The following ZNF627 variants were observed in gnomAD, a reference collection of about 807,000 sequenced individuals.
ZNF627 encodes zinc finger protein 627.
ZNF627 carries 12 observed loss-of-function variants against 10.6 expected under a neutral mutation model. The observed-to-expected ratio is 1.13, with a 90% CI of 0.73 to 1.84. The LOEUF is 1.84. ZNF627 is among the 40% of genes most tolerant of loss of function. ZNF627 has a pLI of 0.00. For missense variants in ZNF627, 504 were observed against 568.4 expected (o/e 0.89, Z 1.15); for synonymous variants, 176 against 187.1 (o/e 0.94, Z 0.48).
rs745560483 is a variant in ZNF627, at chr19:11,617,263, A to AAGC, written c.763_765dup (p.Gln255dup). On this transcript the variant is annotated inframe_insertion, in exon 4 of 4. Transcript: ENST00000361113. ...CACTGGAGATAAACCCTATGAATGC[A>AAGC]AGCAGTGTGGGAAAGCTTTCAGTTG... 6.2e-7 allele frequency: 1 copy of AAGC among 1,613,980 alleles called. No homozygotes were observed. The highest frequency in any genetic ancestry group is 2.2e-5 in the East Asian group (1 of 44,870).
In ZNF627 at chr19:11,617,626, T is replaced by G. The variant is rs200407379; in HGVS notation, c.1123T>G (p.Ser375Ala). 194 of 1,613,732 alleles carry G rather than the reference T, an allele frequency of 1.2e-4. No individual in the cohort carries two copies. The highest frequency in any genetic ancestry group is 1.6e-4 in the Non-Finnish European group (187 of 1,179,924). Residue 375 changes from serine (S) to alanine (A), a missense_variant, in exon 4 of 4, where the codon TCC becomes GCC. Coordinates refer to ENST00000361113, the MANE Select transcript of ZNF627 (RefSeq NM_145295.4). ...GCAATGTGGGAAAGCCTTCAGTTGT[T>G]CCAGTTCGTTTCGAAAACATGAAAG... ...CKQCGKAFSC[S>A]SSFRKHERIH...
At chr19:11,614,167 G>A (rs1006374430) in intron 1 of ZNF627, among the ~76,000 whole-genome samples, 1 of 152,010 alleles carries the variant, frequency 6.6e-6, no homozygotes, top group African/African-American at 2.4e-5. Flanking sequence ...TGATCCACCC[G>A]CCTCGGCCTC....
chr19:11,605,080 CTTTTTTTTTTT>C, intron 1 of ZNF627, among the ~76,000 whole-genome samples: 1 of 105,928 alleles, frequency 9.4e-6, no homozygotes, highest in African/African-American at 3.7e-5. Flanking sequence ...TTCTTTCTTT[CTTTTTTTTTTT>C]TTTTTTTTTT....
At chr19:11,614,477 C>T (rs1248957616) in intron 1 of ZNF627, 50 bp from the exon 2 acceptor site, 28 of 1,611,178 alleles carry the variant, frequency 1.7e-5, no homozygotes, top group Admixed American at 8.4e-5. Context: ...TCTAGGCCCC[C>T]AGTGCTGTCT....
intron 1 of ZNF627, among the ~76,000 whole-genome samples, chr19:11,607,377 C>A (rs1431290278): frequency 6.6e-6 from 1 of 152,052 alleles, no homozygotes; most frequent in East Asian, 1.9e-4. Context: ...CTCAGGTTAT[C>A]CGCCTGCCTC....
At chr19:11,606,471 T>TGTA (rs1456467017) in intron 1 of ZNF627, among the ~76,000 whole-genome samples, 1 of 152,188 alleles carries the variant, frequency 6.6e-6, no homozygotes, top group East Asian at 1.9e-4. Flanking sequence ...CAGCCCCCAC[T>TGTA]CCTGGCTGCT....
In ZNF627 at chr19:11,617,863, G is replaced by A. The variant is rs377676587; in HGVS notation, c.1360G>A (p.Ala454Thr). The A allele has an allele frequency of 2.0e-5, 31 of 1,553,726 alleles. No homozygotes were observed. Among genetic ancestry groups the A allele is most frequent in the African/African-American group, 6.9e-5 (5 of 72,572 alleles). The change falls in exon 4 of 4, where the codon GCT becomes ACT. Residue 454 changes from alanine (A) to threonine (T), a missense_variant. Physicochemically the swap from Ala to Thr is moderately conservative, Grantham distance 58. Transcript: ENST00000361113. Reference sequence around the variant, plus strand: ...ACCCTATGAGAACCCTAACCCTAACGCTTCAGTTGTCCCAGTTCTTTCATG... The same window carrying A: ...ACCCTATGAGAACCCTAACCCTAACACTTCAGTTGTCCCAGTTCTTTCATG... ...EKPYENPNPN[A>T]SVVPVLS
chr19:11,602,418 C>G (rs536127204), intron 1 of ZNF627, among the ~76,000 whole-genome samples: 11 of 152,148 alleles, frequency 7.2e-5, no homozygotes, highest in Non-Finnish European at 1.5e-4. Context: ...TGTTTCTTTG[C>G]GTAACCTGCT....
chr19:11,609,515 A>ATATG (rs1555754112), intron 1 of ZNF627, among the ~76,000 whole-genome samples: 32 of 92,958 alleles, frequency 3.4e-4, no homozygotes, highest in African/African-American at 1.0e-3. Flanking sequence ...ATATATATAT[A>ATATG]TATGTATTTT....
Position 11,614,587 on chromosome 19 carries a change from G to T in ZNF627, c.64G>T (p.Asp22Tyr). The T allele has an allele frequency of 1.2e-6, 2 of 1,613,856 alleles. No individual in the cohort carries two copies. The highest frequency in any genetic ancestry group is 1.7e-6 in the Non-Finnish European group (2 of 1,179,964). Reference protein sequence around the residue: ...NFTLEEWALLDPSQKNLYRDV... With the variant: ...NFTLEEWALLYPSQKNLYRDV... ...CACCCTGGAGGAGTGGGCTTTGCTGGATCCTTCCCAGAAGAATCTCTACAG... is the reference window on the plus strand; with the variant it reads ...CACCCTGGAGGAGTGGGCTTTGCTGTATCCTTCCCAGAAGAATCTCTACAG... The change falls in exon 2 of 4, where the codon GAT becomes TAT. Residue 22 changes from aspartate to tyrosine, a missense_variant. Asp to Tyr is a radical substitution (Grantham distance 160, BLOSUM62 -3). Coordinates refer to ENST00000361113, the MANE Select transcript of ZNF627 (RefSeq NM_145295.4).
chr19:11,614,724 G>A, intron 2 of ZNF627, 71 bp downstream of exon 2: 3 of 1,609,284 alleles, frequency 1.9e-6, no homozygotes, highest in South Asian at 2.2e-5. Context: ...ACACTTTGGG[G>A]AATAAACCAG....
chr19:11,617,935 T>G lies in ZNF627; in HGVS notation c.*46T>G, dbSNP rs767192996. Reference sequence around the variant, plus strand: ...AGAAACCCCATGAAAGTAAGAAATTTGGGAAAGCCTTCAGTCCTTTCTGTT... The same window carrying G: ...AGAAACCCCATGAAAGTAAGAAATTGGGGAAAGCCTTCAGTCCTTTCTGTT... On this transcript the variant is annotated 3_prime_UTR_variant, in exon 4 of 4. Coordinates refer to ENST00000361113, the MANE Select transcript of ZNF627 (RefSeq NM_145295.4). The G allele has an allele frequency of 6.8e-7, 1 of 1,460,958 alleles. No homozygotes were observed. The allele number at this position is 1,460,958 out of a possible 1,614,324, so 90.5% of individuals were successfully genotyped here. A position where few individuals can be genotyped will look rare whatever the true frequency, so the allele number is the denominator to read the frequency against.
chr19:11,613,074 C>CCTTCT (rs1568443068), intron 1 of ZNF627, among the ~76,000 whole-genome samples: 1 of 84,088 alleles, frequency 1.2e-5, no homozygotes, highest in Non-Finnish European at 2.4e-5. Flanking sequence ...CTCCCCTCCC[C>CCTTCT]TCCCTCCCTT....
intron 1 of ZNF627, among the ~76,000 whole-genome samples, chr19:11,612,653 T>G (rs1973792767): frequency 1.3e-5 from 2 of 151,570 alleles, no homozygotes; most frequent in South Asian, 4.2e-4. Flanking sequence ...ACTCCTGACC[T>G]CAGGTGATCT....
rs748398315 is a variant in ZNF627, at chr19:11,616,748, C to T, written c.245C>T (p.Thr82Ile). Residue 82 changes from threonine (T) to isoleucine (I), a missense_variant, in exon 4 of 4, where the codon ACC becomes ATC. Thr to Ile is a moderately conservative substitution (Grantham distance 89, BLOSUM62 -1). Transcript: ENST00000361113. The stretch of plus-strand genomic sequence containing the variant: ...AAAGAAGGTGGTCAAGGTGAAGAAA[C>T]CTTCAGCCAGATTCCAGATGGTATT... ...ESKEGGQGEETFSQIPDGILN... is the reference protein window; with the variant it reads ...ESKEGGQGEEIFSQIPDGILN... The T allele has an allele frequency of 2.5e-6, 4 of 1,612,024 alleles. No individual in the cohort carries two copies. The highest frequency in any genetic ancestry group is 3.3e-4 in the Middle Eastern group (2 of 6,048).
rs553540872 is a variant in ZNF627, at chr19:11,614,292, A to C, written c.4-235A>C. On this transcript the variant is annotated intron_variant, in intron 1 of 3. Transcript: ENST00000361113. ...ACATTAGGGGTGGCCCAGGCAGTAC[A>C]TACTTCTCCCACCAGAGAGGCATGC... Among the ~76,000 whole-genome samples the C allele has an allele frequency of 2.8e-4, 43 of 152,272 alleles. 1 individual carries two copies. The highest frequency in any genetic ancestry group is 2.7e-3 in the Admixed American group (41 of 15,272).
chr19:11,612,094 G>A lies in ZNF627; in HGVS notation c.4-2433G>A, dbSNP rs934792228. 6.7e-5 allele frequency among the ~76,000 whole-genome samples: 9 copies of A among 135,080 alleles called. No homozygotes were observed. In the South Asian group the frequency reaches 7.8e-4, roughly 12 times the overall value. 88.6% of individuals were successfully genotyped at this position (135,080 alleles called of 152,430 possible). A position where few individuals can be genotyped will look rare whatever the true frequency, so the allele number is the denominator to read the frequency against. ...TTTGATCCATTTTGATTTCATTTTTGTATGTAAGTTAAGGGTCCAACTGCT... is the reference window on the plus strand; with the variant it reads ...TTTGATCCATTTTGATTTCATTTTTATATGTAAGTTAAGGGTCCAACTGCT... On this transcript the variant is annotated intron_variant, in intron 1 of 3. Coordinates refer to ENST00000361113, the MANE Select transcript of ZNF627 (RefSeq NM_145295.4).
In ZNF627 at chr19:11,614,895, G is replaced by T; in HGVS notation, c.191+8G>T. ...TCCCAGGAGAAATATAAGGTAATTT[G>T]CACTCACAAAAGAAAGTTCTGTTCC... On this transcript the variant is annotated splice_region_variant and intron_variant, in intron 3 of 3. Coordinates refer to ENST00000361113, the MANE Select transcript of ZNF627 (RefSeq NM_145295.4). The T allele has an allele frequency of 1.3e-6, 2 of 1,593,416 alleles. No individual in the cohort carries two copies. The highest frequency in any genetic ancestry group is 8.5e-7 in the Non-Finnish European group (1 of 1,170,896).
At chr19:11,609,151 G>A (rs1471111) in intron 1 of ZNF627, among the ~76,000 whole-genome samples, 62,533 of 151,864 alleles carry the variant, frequency 0.41, 13,148 homozygotes, top group Non-Finnish European at 0.47. Context: ...GATTATAGGC[G>A]TGAGCCACCA....
Sources: allele counts gnomAD v4.1 joint callset (sites outside exome capture counted in the v4.1 genomes callset), GRCh38; gene constraint gnomAD v4.1.1; transcripts MANE v1.5; gene names NCBI Gene and HGNC (gene_info 2026-07-23, HGNC 2026-07-21).